Variants in ANK2 observed in about 807,000 individuals in gnomAD.
ANK2 encodes the protein ankyrin-2.
ANK2 carries 83 observed loss-of-function variants against 360.5 expected under a neutral mutation model. The observed-to-expected ratio is 0.23, with a 90% CI of 0.19 to 0.28. The LOEUF (loss-of-function observed/expected upper bound fraction) is 0.28, where lower values mean the gene tolerates loss of function less well. Among genes scored for constraint, ANK2 ranks in the 10% least tolerant of loss-of-function variants. The pLI, the probability that ANK2 is intolerant of heterozygous loss-of-function variation, is 1.00. For missense variants in ANK2, 4,201 were observed against 4,795.7 expected, an observed-to-expected ratio of 0.88 and a Z score of 3.66; for synonymous variants, 1,740 against 1,759.5, an observed-to-expected ratio of 0.99 and a Z score of 0.28.
At chr4:113,086,498 A>G (rs1273710910) in intron 1 of ANK2, among the ~76,000 whole-genome samples, 1 of 152,188 alleles carries the variant, frequency 6.6e-6, no homozygotes, top group East Asian at 1.9e-4. Flanking sequence ...GCCCTGTTCT[A>G]GGGCTGGAGA....
Position 113,264,907 on chromosome 4 carries a change from C to T in ANK2, c.1397C>T (p.Thr466Met), listed in dbSNP as rs786205722. 84 of 1,563,514 alleles carry T rather than the reference C, an allele frequency of 5.4e-5. No individual in the cohort carries two copies. Among genetic ancestry groups the T allele is most frequent in the Non-Finnish European group, 6.2e-5 (72 of 1,153,042 alleles). The change falls in exon 14 of 46, where the codon ACG becomes ATG. Residue 466 changes from threonine (T) to methionine (M), a missense_variant. By Grantham distance (81) the Thr-to-Met change is moderately conservative. Transcript: ENST00000357077. Reference protein sequence around the residue: ...SPDVTNIRGETALHMAARAGQ... With the variant: ...SPDVTNIRGEMALHMAARAGQ... ...TTTGTTCCCTGGCAGCGTGGTGAGA[C>T]GGCACTACACATGGCAGCCCGAGCC...
intron 2 of ANK2, among the ~76,000 whole-genome samples, chr4:112,998,418 C>A (rs2049405676): frequency 6.6e-6 from 1 of 152,166 alleles, no homozygotes; most frequent in Non-Finnish European, 1.5e-5. Context: ...CAGTCACATA[C>A]TAGCATCCAT....
intron 2 of ANK2, among the ~76,000 whole-genome samples, chr4:113,180,499 A>G (rs2098382039): frequency 6.6e-6 from 1 of 152,246 alleles, no homozygotes; most frequent in Non-Finnish European, 1.5e-5. Context: ...AGCAGGACAG[A>G]ACATAAAAGG....
chr4:113,113,992 A>G (rs568348926), intron 1 of ANK2, among the ~76,000 whole-genome samples: 11 of 152,302 alleles, frequency 7.2e-5, no homozygotes, highest in Admixed American at 6.5e-4. Context: ...AGCTTTCTTA[A>G]AAGGATTATG....
At chr4:113,160,253 C>G in intron 1 of ANK2, 1 of 306,892 alleles carries the variant, frequency 3.3e-6, no homozygotes, top group South Asian at 2.8e-5. Flanking sequence ...TAAATAGAGA[C>G]AGGGTCTCAC....
intron 34 of ANK2, among the ~76,000 whole-genome samples, chr4:113,344,755 C>T (rs994059312): frequency 2.9e-4 from 44 of 152,098 alleles, no homozygotes; most frequent in African/African-American, 9.7e-4. Context: ...ATAAGCTAGA[C>T]ACAAAAGGAC....
intron 29 of ANK2, 88 bp downstream of exon 29, chr4:113,333,296 ATATGTGTGTGTG>A: frequency 2.2e-6 from 3 of 1,387,334 alleles, no homozygotes; most frequent in Non-Finnish European, 3.0e-6. Flanking sequence ...GGGTGTGTGT[ATATGTGTGTGTG>A]TGTGTGTGTG....
intron 5 of ANK2, among the ~76,000 whole-genome samples, chr4:113,236,213 C>T (rs1177673963): frequency 6.6e-6 from 1 of 151,836 alleles, no homozygotes; most frequent in Admixed American, 6.6e-5. Flanking sequence ...TTTCCAGGAA[C>T]TGAATTCTTG....
chr4:112,910,957 C>CTTTTT (rs1163828806), intron 2 of ANK2, among the ~76,000 whole-genome samples: 54 of 125,144 alleles, frequency 4.3e-4, no homozygotes, highest in African/African-American at 1.5e-3. Context: ...TATTATTTGC[C>CTTTTT]TTTTTTTTTT....
chr4:112,769,653 G>A, the ANK2 span, among the ~76,000 whole-genome samples: 1 of 152,184 alleles, frequency 6.6e-6, no homozygotes. Context: ...GGGCCAAGGA[G>A]TGCCCAGGTT....
At chr4:113,004,674 A>G (rs12508051) in intron 2 of ANK2, among the ~76,000 whole-genome samples, 21,768 of 152,266 alleles carry the variant, frequency 0.14, 1,954 homozygotes, top group East Asian at 0.39. Flanking sequence ...TAGTAAATAC[A>G]TAAACCAGTT....
intron 2 of ANK2, among the ~76,000 whole-genome samples, chr4:113,006,974 G>A (rs1177482179): frequency 6.6e-6 from 1 of 152,034 alleles, no homozygotes; most frequent in Non-Finnish European, 1.5e-5. Context: ...AAGGAAAATG[G>A]TTACTCTTCT....
Position 113,345,935 on chromosome 4 carries a change from A to G in ANK2, c.4284A>G (p.Leu1428=), listed in dbSNP as rs963639278. 5.0e-6 allele frequency: 8 copies of G among 1,613,576 alleles called. No individual in the cohort carries two copies. In the East Asian group the frequency reaches 6.7e-5, roughly 13 times the overall value. The change falls in exon 35 of 46, where the codon CTA becomes CTG. Residue 1428 remains leucine (L), a synonymous_variant. Coordinates refer to ENST00000357077, the MANE Select transcript of ANK2 (RefSeq NM_001148.6). ...CGACTCAGGAACCTTGCGGACGACT[A>G]TCATTTATGAAGGAGCCAAAATCCA... ...RDTTQEPCGR[L]SFMKEPKSTR...
At chr4:112,816,762 G>A (rs2055677910), upstream of ANK2, among the ~76,000 whole-genome samples, 1 of 152,210 alleles carries the variant, frequency 6.6e-6, no homozygotes, top group African/African-American at 2.4e-5. Context: ...TGTAATCCCA[G>A]CACTTTGGGA....
intron 2 of ANK2, among the ~76,000 whole-genome samples, chr4:112,957,007 GTTTTTTTTTTT>G (rs56066718): frequency 1.5e-5 from 1 of 66,484 alleles, no homozygotes; most frequent in African/African-American, 6.0e-5. Flanking sequence ...TATTGCTCTT[GTTTTTTTTTTT>G]TTTTTTTTTT....
At chr4:112,956,800 G>A (rs180752790) in intron 2 of ANK2, among the ~76,000 whole-genome samples, 11 of 152,250 alleles carry the variant, frequency 7.2e-5, no homozygotes, top group African/African-American at 2.4e-4. Context: ...TGATCCCTAA[G>A]TCACTAGTCC....
chr4:112,879,237 A>G (rs2076067091), intron 1 of ANK2, among the ~76,000 whole-genome samples: 1 of 152,122 alleles, frequency 6.6e-6, no homozygotes, highest in South Asian at 2.1e-4. Flanking sequence ...TTGTGAACCT[A>G]CAGGATATTG....
chr4:112,757,551 G>A, the ANK2 span, among the ~76,000 whole-genome samples: 4 of 152,210 alleles, frequency 2.6e-5, no homozygotes, highest in Admixed American at 6.5e-5. Context: ...ATCCTGTGAG[G>A]TGAGAGCTAA....
At chr4:112,764,992 C>T in the ANK2 span, among the ~76,000 whole-genome samples, 1 of 152,212 alleles carries the variant, frequency 6.6e-6, no homozygotes. Flanking sequence ...AGGCGTGAGC[C>T]ACCGTGCCCG....
Sources: gnomAD v4.1 joint callset for allele counts (sites outside exome capture counted in the v4.1 genomes callset) on GRCh38, gnomAD v4.1.1 for gene constraint, MANE v1.5 for transcripts, NCBI Gene and HGNC (gene_info 2026-07-23, HGNC 2026-07-21) for gene names.